Variants in PRELID2 observed in about 807,000 individuals in gnomAD.
The protein encoded by PRELID2 is PRELI domain containing 2, also known as PRELI domain-containing protein 2.
In PRELID2, 25 loss-of-function variants were observed where a neutral mutation model predicts 28.4. That is an observed-to-expected ratio of 0.88 (90% CI 0.64 to 1.23). The LOEUF is 1.23. PRELID2 is among the 50% of genes most tolerant of loss of function. The pLI is 0.00. For synonymous variants in PRELID2, 76 were observed against 71.6 expected, an observed-to-expected ratio of 1.06 and a Z score of -0.31; for missense variants, 201 against 214.4, an observed-to-expected ratio of 0.94 and a Z score of 0.39.
chr5:145,308,262 T>A, the PRELID2 span, among the ~76,000 whole-genome samples: 1 of 152,338 alleles, frequency 6.6e-6, no homozygotes, highest in East Asian at 1.9e-4. Context: ...TGGATGGGTT[T>A]GTGATTTAAT....
chr5:145,800,912 A>C (rs1318221753), intron 4 of PRELID2, among the ~76,000 whole-genome samples: 1 of 152,188 alleles, frequency 6.6e-6, no homozygotes, highest in Non-Finnish European at 1.5e-5. Flanking sequence ...TGCAAAACAC[A>C]GCAGTTTACA....
chr5:145,617,078 C>T (rs946572576), intron 1 of PRELID2, among the ~76,000 whole-genome samples: 13 of 152,142 alleles, frequency 8.5e-5, no homozygotes, highest in Admixed American at 2.0e-4. Context: ...CGGCTACTGG[C>T]GGTCAGAGTT....
At chr5:145,431,458 G>A in the PRELID2 span, among the ~76,000 whole-genome samples, 7 of 152,070 alleles carry the variant, frequency 4.6e-5, no homozygotes, top group East Asian at 3.9e-4. Context: ...AAATACTTAC[G>A]AATTTCAAAG....
chr5:145,254,214 C>T, the PRELID2 span, among the ~76,000 whole-genome samples: 1 of 152,148 alleles, frequency 6.6e-6, no homozygotes, highest in Non-Finnish European at 1.5e-5. Context: ...TTTATTTCTA[C>T]TATGACATGC....
At chr5:145,817,419 TTTTA>T (rs2149858661) in intron 4 of PRELID2, among the ~76,000 whole-genome samples, 1 of 43,188 alleles carries the variant, frequency 2.3e-5, no homozygotes, top group South Asian at 6.0e-4. Context: ...AATAAGCTAG[TTTTA>T]TATATATATA....
the PRELID2 span, among the ~76,000 whole-genome samples, chr5:145,369,084 G>A: frequency 6.6e-6 from 1 of 151,750 alleles, no homozygotes; most frequent in South Asian, 2.1e-4. Flanking sequence ...TTCTGTTCCT[G>A]TGTTAATTTG....
At chr5:145,365,635 C>G in the PRELID2 span, among the ~76,000 whole-genome samples, 1 of 151,710 alleles carries the variant, frequency 6.6e-6, no homozygotes, top group East Asian at 1.9e-4. Context: ...ACCAATTGGA[C>G]CGGATAGAAA....
chr5:145,348,279 G>C, the PRELID2 span, among the ~76,000 whole-genome samples: 1 of 152,096 alleles, frequency 6.6e-6, no homozygotes, highest in Non-Finnish European at 1.5e-5. Context: ...GTGAATCTAA[G>C]AATAAAACCA....
the PRELID2 span, among the ~76,000 whole-genome samples, chr5:145,288,000 T>C: frequency 6.6e-6 from 1 of 152,168 alleles, no homozygotes; most frequent in Non-Finnish European, 1.5e-5. Context: ...GGTCATAGGT[T>C]AGGAAGGAAG....
the PRELID2 span, among the ~76,000 whole-genome samples, chr5:145,358,265 G>A: frequency 1.7e-4 from 26 of 152,050 alleles, no homozygotes; most frequent in African/African-American, 6.0e-4. Flanking sequence ...CTATGAGAGG[G>A]AGGAGGTGGA....
intron 1 of PRELID2, among the ~76,000 whole-genome samples, chr5:145,686,269 C>A (rs769669606): frequency 3.8e-4 from 58 of 152,266 alleles, no homozygotes; most frequent in Non-Finnish European, 6.6e-4. Context: ...CTGAGTTATT[C>A]ATTTTAAATT....
intron 1 of PRELID2, among the ~76,000 whole-genome samples, chr5:145,607,836 G>A (rs116760050): frequency 3.3e-5 from 5 of 152,188 alleles, no homozygotes; most frequent in African/African-American, 1.2e-4. Context: ...AATACTGTCA[G>A]TGGGGTATTG....
At chr5:145,247,470 G>A in the PRELID2 span, among the ~76,000 whole-genome samples, 12,582 of 152,174 alleles carry the variant, frequency 0.083, 1,122 homozygotes, top group African/African-American at 0.23. Context: ...TGCCAGGTGA[G>A]AAGTCTTAGG....
chr5:145,418,261 C>T, the PRELID2 span, among the ~76,000 whole-genome samples: 1 of 151,928 alleles, frequency 6.6e-6, no homozygotes, highest in African/African-American at 2.4e-5. Flanking sequence ...ATGGAAGAAC[C>T]AACCATCCTC....
the PRELID2 span, among the ~76,000 whole-genome samples, chr5:145,324,300 A>G: frequency 6.6e-6 from 1 of 152,292 alleles, no homozygotes; most frequent in African/African-American, 2.4e-5. Context: ...CATGTCTAAA[A>G]GACATGTCCA....
chr5:145,812,861 G>A (rs943975150), intron 4 of PRELID2, among the ~76,000 whole-genome samples: 2 of 152,176 alleles, frequency 1.3e-5, no homozygotes, highest in Non-Finnish European at 2.9e-5. Flanking sequence ...AGACAATGTC[G>A]GATAAAATCA....
intron 1 of PRELID2, chr5:145,728,384 G>T: frequency 2.2e-6 from 1 of 455,410 alleles, no homozygotes; most frequent in Non-Finnish European, 4.1e-6. Flanking sequence ...CTTTTTTATG[G>T]CCCTGGGTAG....
the PRELID2 span, among the ~76,000 whole-genome samples, chr5:145,353,044 C>T: frequency 9.9e-5 from 15 of 152,278 alleles, no homozygotes; most frequent in East Asian, 1.9e-3. Context: ...CCAAACTGTT[C>T]TAACCTCTCC....
At chr5:145,466,602 A>G in the PRELID2 span, among the ~76,000 whole-genome samples, 1 of 152,176 alleles carries the variant, frequency 6.6e-6, no homozygotes, top group African/African-American at 2.4e-5. Flanking sequence ...TAAGAATGTA[A>G]AATTTCCATT....
Sources: gnomAD v4.1 joint callset for allele counts (sites outside exome capture counted in the v4.1 genomes callset) on GRCh38, gnomAD v4.1.1 for gene constraint, MANE v1.5 for transcripts, NCBI Gene and HGNC (gene_info 2026-07-23, HGNC 2026-07-21) for gene names.